Variants in BAZ2B observed in about 807,000 individuals in gnomAD.
BAZ2B encodes bromodomain adjacent to zinc finger domain 2B.
BAZ2B carries 91 observed loss-of-function variants against 246.0 expected under a neutral mutation model. The ratio of observed to expected loss-of-function variants is 0.37; its 90% CI spans 0.31 to 0.44. BAZ2B has a LOEUF of 0.44. Among genes scored for constraint, BAZ2B ranks in the 20% least tolerant of loss-of-function variants. The probability of loss-of-function intolerance (pLI) is 1.00; values close to 1 mark genes in which losing one functional copy is unlikely to be tolerated. For missense variants in BAZ2B, 2,332 were observed against 2,533.7 expected (o/e 0.92, Z 1.71); for synonymous variants, 855 against 860.0 (o/e 0.99, Z 0.10).
the BAZ2B span, among the ~76,000 whole-genome samples, chr2:159,697,168 A>G: frequency 6.6e-6 from 1 of 152,052 alleles, no homozygotes; most frequent in Non-Finnish European, 1.5e-5. Context: ...ATTTGCCACT[A>G]CTTTAGCTCC....
chr2:159,328,400 T>TGGAGCC (rs1213552696), intron 34 of BAZ2B, among the ~76,000 whole-genome samples: 1 of 152,218 alleles, frequency 6.6e-6, no homozygotes, highest in African/African-American at 2.4e-5. Context: ...AGTCACAAAC[T>TGGAGCC]GGTGGCTCAC....
At chr2:159,700,409 C>G in the BAZ2B span, among the ~76,000 whole-genome samples, 63 of 151,828 alleles carry the variant, frequency 4.1e-4, no homozygotes, top group Non-Finnish European at 7.4e-4. Context: ...TATACTGTTT[C>G]TTAATTTGTA....
chr2:159,409,421 G>T (rs1206498997), intron 14 of BAZ2B, among the ~76,000 whole-genome samples: 2 of 152,052 alleles, frequency 1.3e-5, no homozygotes, highest in Non-Finnish European at 2.9e-5. Context: ...TCAACAAGCA[G>T]GTTTATTTAT....
the BAZ2B span, among the ~76,000 whole-genome samples, chr2:159,671,219 A>G: frequency 6.6e-6 from 1 of 152,124 alleles, no homozygotes; most frequent in East Asian, 1.9e-4. Flanking sequence ...ATCTTCACTC[A>G]TAAGCTGTCA....
intron 31 of BAZ2B, among the ~76,000 whole-genome samples, chr2:159,339,979 A>G (rs2066341659): frequency 6.6e-6 from 1 of 152,164 alleles, no homozygotes; most frequent in Non-Finnish European, 1.5e-5. Context: ...ATATGGTTTG[A>G]CAGAAGAAAT....
At chr2:159,590,217 A>C (rs1689021687) in intron 1 of BAZ2B, among the ~76,000 whole-genome samples, 5 of 130,144 alleles carry the variant, frequency 3.8e-5, no homozygotes, top group South Asian at 2.5e-4. Flanking sequence ...AAAAAAAAAA[A>C]AAAAAAAAAA....
chr2:159,491,593 C>A (rs1365260244), intron 2 of BAZ2B, among the ~76,000 whole-genome samples: 1 of 147,820 alleles, frequency 6.8e-6, no homozygotes, highest in South Asian at 2.2e-4. Context: ...TAGTGGCGGG[C>A]GCCTGTAGTC....
chr2:159,670,814 C>A, the BAZ2B span: 1 of 152,110 alleles, frequency 6.6e-6, no homozygotes, highest in African/African-American at 2.4e-5. Context: ...TATAGGTCTG[C>A]TGGAGACAAA....
rs535763379 is a variant in BAZ2B at position 159,538,218 on chromosome 2, G to A, written c.-3+17605C>T. ...TCACCATGTTGCCCAGGCTGGACTC[G>A]AACTCCTGTATGTGCAATTAACTTT... On this transcript the variant is annotated intron_variant, in intron 2 of 36. Coordinates refer to ENST00000392783, the MANE Select transcript of BAZ2B (RefSeq NM_013450.4). Among the ~76,000 whole-genome samples, 10 of 152,216 alleles carry A rather than the reference G, an allele frequency of 6.6e-5. No individual in the cohort carries two copies. In the South Asian group the frequency reaches 1.5e-3, roughly 22 times the overall value.
chr2:159,585,480 G>A (rs1687825220), intron 1 of BAZ2B, among the ~76,000 whole-genome samples: 1 of 152,166 alleles, frequency 6.6e-6, no homozygotes, highest in South Asian at 2.1e-4. Flanking sequence ...ACATTTATAT[G>A]CATATGTATT....
chr2:159,627,199 C>T, the BAZ2B span, among the ~76,000 whole-genome samples: 2 of 152,100 alleles, frequency 1.3e-5, no homozygotes, highest in African/African-American at 4.8e-5. Context: ...CAAAAAAAGT[C>T]CAGGACCAGA....
chr2:159,656,271 C>T, the BAZ2B span, among the ~76,000 whole-genome samples: 1 of 152,152 alleles, frequency 6.6e-6, no homozygotes, highest in Admixed American at 6.5e-5. Context: ...AATCTCTTCC[C>T]CAGTTATTAA....
chr2:159,498,582 T>TTATAA (rs1235105585), intron 2 of BAZ2B, among the ~76,000 whole-genome samples: 1 of 152,184 alleles, frequency 6.6e-6, no homozygotes, highest in African/African-American at 2.4e-5. Context: ...TTTATAACCT[T>TTATAA]CATTATACAC....
chr2:159,662,390 T>G, the BAZ2B span, among the ~76,000 whole-genome samples: 1 of 152,234 alleles, frequency 6.6e-6, no homozygotes, highest in African/African-American at 2.4e-5. Flanking sequence ...TATTTCTATG[T>G]TTAGCTTTTT....
chr2:159,680,054 T>C, the BAZ2B span, among the ~76,000 whole-genome samples: 180 of 152,360 alleles, frequency 1.2e-3, no homozygotes, highest in Non-Finnish European at 1.8e-3. Flanking sequence ...TTATGTTCTG[T>C]AACATTCTTA....
chr2:159,586,401 A>G (rs779603217), intron 1 of BAZ2B, among the ~76,000 whole-genome samples: 89 of 152,172 alleles, frequency 5.8e-4, no homozygotes, highest in Non-Finnish European at 1.1e-3. Flanking sequence ...TCATCTACAC[A>G]GAATTCAGAA....
At chr2:159,385,617 A>G (rs1373252088) in intron 22 of BAZ2B, among the ~76,000 whole-genome samples, 3 of 151,832 alleles carry the variant, frequency 2.0e-5, no homozygotes, top group African/African-American at 7.2e-5. Context: ...ATGCAAATTC[A>G]TGGGTAGCAG....
the BAZ2B span, among the ~76,000 whole-genome samples, chr2:159,696,366 G>C: frequency 6.6e-6 from 1 of 152,044 alleles, no homozygotes; most frequent in Non-Finnish European, 1.5e-5. Context: ...TTTCTGTCTT[G>C]CAGGATCCTA....
intron 2 of BAZ2B, among the ~76,000 whole-genome samples, chr2:159,510,309 G>A (rs1232752129): frequency 7.9e-5 from 12 of 152,052 alleles, no homozygotes; most frequent in Non-Finnish European, 5.9e-5. Context: ...GACCACAGGC[G>A]TGTGCCACCA....
Sources: gnomAD v4.1 joint callset for allele counts (sites outside exome capture counted in the v4.1 genomes callset) on GRCh38, gnomAD v4.1.1 for gene constraint, MANE v1.5 for transcripts, NCBI Gene and HGNC (gene_info 2026-07-23, HGNC 2026-07-21) for gene names.